RNF157: variants seen among roughly 807,000 people sequenced by gnomAD.
RNF157 encodes the protein ring finger protein 157.
A neutral mutation model predicts 88.3 loss-of-function variants in RNF157; 55 were observed. The ratio of observed to expected loss-of-function variants is 0.62; its 90% CI spans 0.50 to 0.78. RNF157 has a LOEUF of 0.78. RNF157 is among the 30% of genes least tolerant of loss of function. RNF157 has a pLI of 0.00. For synonymous variants in RNF157, 334 were observed against 341.2 expected, an observed-to-expected ratio of 0.98 and a Z score of 0.23; for missense variants, 788 against 860.8, an observed-to-expected ratio of 0.92 and a Z score of 1.06.
At chr17:76,177,482 G>A (rs972736018) in intron 2 of RNF157, among the ~76,000 whole-genome samples, 9 of 151,922 alleles carry the variant, frequency 5.9e-5, no homozygotes, top group Non-Finnish European at 1.3e-4. Flanking sequence ...CTGCTGCCTC[G>A]GCCCCTTCCA....
rs773917769 is a variant in RNF157 at position 76,152,340 on chromosome 17, C to T, written c.1921+15G>A. On this transcript the variant is annotated intron_variant, in intron 18 of 18. Transcript: ENST00000269391. ...CGTCTCCCACCAAGTTCATGTTCAG[C>T]AGACTGACACTCACCAGGTAAGCAG... is the stretch of plus-strand genomic sequence containing the variant. 6.6e-7 allele frequency: 1 copy of T among 1,520,048 alleles called. No homozygotes were observed. The highest frequency in any genetic ancestry group is 9.1e-7 in the Non-Finnish European group (1 of 1,094,280). The allele number at this position is 1,520,048 out of a possible 1,614,324, so 94.2% of individuals were successfully genotyped here.
chr17:76,148,246 C>A (rs2068615279), intron 18 of RNF157, among the ~76,000 whole-genome samples: 1 of 149,592 alleles, frequency 6.7e-6, no homozygotes, highest in South Asian at 2.1e-4. Context: ...CTAAAAAGAT[C>A]CAAATTATCT....
intron 3 of RNF157, among the ~76,000 whole-genome samples, chr17:76,169,801 G>C (rs907229834): frequency 6.6e-6 from 1 of 151,470 alleles, no homozygotes; most frequent in South Asian, 2.1e-4. Flanking sequence ...GGCTGGTCTC[G>C]AACTCCTGAC....
intron 1 of RNF157, among the ~76,000 whole-genome samples, chr17:76,232,689 G>C (rs866782676): frequency 6.6e-6 from 1 of 152,188 alleles, no homozygotes; most frequent in Non-Finnish European, 1.5e-5. Context: ...CAAAGTGGCT[G>C]TACTATTTTA....
chr17:76,157,115 T>C lies in RNF157; in HGVS notation c.1414-794A>G, dbSNP rs542526562. 6.8e-3 allele frequency among the ~76,000 whole-genome samples: 1,032 copies of C among 152,190 alleles called. 8 individuals are homozygous for C. The highest frequency in any genetic ancestry group is 0.023 in the African/African-American group (940 of 41,512). On this transcript the variant is annotated intron_variant, in intron 13 of 18. Transcript: ENST00000269391. This position sits in a 1 kb window ranked among gnomAD's most constrained non-coding sequence, Gnocchi z 5.6. ...CCGAGTAGCTGGGACTACAGGTGCA[T>C]GCCACCACACCTGGCTAATTTTTTG...
intron 2 of RNF157, among the ~76,000 whole-genome samples, chr17:76,181,616 T>C (rs1266331785): frequency 2.0e-5 from 3 of 151,922 alleles, no homozygotes; most frequent in Non-Finnish European, 4.4e-5. Context: ...CACTAAATTG[T>C]TTTCAAAAAA....
At chr17:76,172,303 G>A (rs1470247473) in intron 3 of RNF157, among the ~76,000 whole-genome samples, 1 of 151,622 alleles carries the variant, frequency 6.6e-6, no homozygotes, top group African/African-American at 2.4e-5. Flanking sequence ...GACAAAGTGA[G>A]ACTCTGGGCC....
chr17:76,198,501 G>A (rs2069515449), intron 2 of RNF157, among the ~76,000 whole-genome samples: 1 of 152,092 alleles, frequency 6.6e-6, no homozygotes, highest in African/African-American at 2.4e-5. Context: ...AGCTGGCTGC[G>A]TCCTTTGGGG....
At chr17:76,168,561 AG>A (rs2068964452) in intron 3 of RNF157, among the ~76,000 whole-genome samples, 1 of 151,854 alleles carries the variant, frequency 6.6e-6, no homozygotes, top group African/African-American at 2.4e-5. Flanking sequence ...CATCTTATTG[AG>A]GAGGTCCCTT....
chr17:76,159,483 G>GA lies in RNF157; in HGVS notation c.1155_1156insT (p.Leu386SerfsTer19), dbSNP rs758458767. On this transcript the variant is annotated frameshift_variant, in exon 12 of 19. Coordinates refer to ENST00000269391, the MANE Select transcript of RNF157 (RefSeq NM_052916.3). LOFTEE classifies it high-confidence loss of function. ...AGGTGGCCATCTCCAAGCACGTGAA[G>GA]TGGAGGAACTGCTGGGGACGGGGTG... is the stretch of plus-strand genomic sequence containing the variant. 5 of 1,609,856 alleles carry GA rather than the reference G, an allele frequency of 3.1e-6. No homozygotes were observed. Among genetic ancestry groups the GA allele is most frequent in the Middle Eastern group, 1.7e-4 (1 of 6,048 alleles).
chr17:76,158,477 C>A lies in RNF157; in HGVS notation c.1329G>T (p.Val443=). The part of the protein sequence containing the change: ...LSKSTSQNSS[V]LHEEEDEHSC... ...AATGCTCATCTTCCTCTTCATGCAG[C>A]ACGGAAGAGTTTTGGGAAGTGGATC... Residue 443 remains valine (V), a synonymous_variant, in exon 13 of 19, where the codon GTG becomes GTT. Coordinates refer to ENST00000269391, the MANE Select transcript of RNF157 (RefSeq NM_052916.3). The A allele has an allele frequency of 6.2e-7, 1 of 1,613,554 alleles. No individual in the cohort carries two copies. Among genetic ancestry groups the A allele is most frequent in the Non-Finnish European group, 8.5e-7 (1 of 1,179,556 alleles).
At chr17:76,174,866 G>C (rs1188210981) in intron 2 of RNF157, among the ~76,000 whole-genome samples, 1 of 152,162 alleles carries the variant, frequency 6.6e-6, no homozygotes, top group Non-Finnish European at 1.5e-5. Flanking sequence ...TCTTCATTCA[G>C]ATTACTCACT....
chr17:76,225,393 T>C (rs1370514644), intron 1 of RNF157, among the ~76,000 whole-genome samples: 1 of 152,140 alleles, frequency 6.6e-6, no homozygotes, highest in Admixed American at 6.5e-5. Flanking sequence ...AAGTTAATAA[T>C]TTAAAATTTA....
intron 18 of RNF157, among the ~76,000 whole-genome samples, chr17:76,150,401 C>G (rs2068656488): frequency 6.6e-6 from 1 of 152,164 alleles, no homozygotes; most frequent in African/African-American, 2.4e-5. Flanking sequence ...CATGGAGTAA[C>G]TATCAACAAG....
At chr17:76,150,034 AAAAAAAC>A (rs2068650398) in intron 18 of RNF157, among the ~76,000 whole-genome samples, 1 of 152,200 alleles carries the variant, frequency 6.6e-6, no homozygotes, top group African/African-American at 2.4e-5. Flanking sequence ...CTCTGTCTCA[AAAAAAAC>A]AAAAAACAAA....
chr17:76,217,339 T>C (rs555820701), intron 1 of RNF157, among the ~76,000 whole-genome samples: 12 of 152,286 alleles, frequency 7.9e-5, no homozygotes, highest in South Asian at 4.1e-4. Flanking sequence ...AAAATAAATT[T>C]ACTTATTGGT....
At chr17:76,235,276 CAAG>C (rs1410452217) in intron 1 of RNF157, among the ~76,000 whole-genome samples, 17 of 151,678 alleles carry the variant, frequency 1.1e-4, no homozygotes, top group Non-Finnish European at 1.8e-4. Context: ...CGGCTCACTG[CAAG>C]CTCCGCCTCC....
chr17:76,227,908 G>A (rs1329699675), intron 1 of RNF157, among the ~76,000 whole-genome samples: 1 of 151,952 alleles, frequency 6.6e-6, no homozygotes, highest in African/African-American at 2.4e-5. Flanking sequence ...GGTAGTGTCA[G>A]GTCCCCAAAT....
chr17:76,152,005 GTGTC>G (rs1252241587), intron 18 of RNF157, among the ~76,000 whole-genome samples: 2 of 152,164 alleles, frequency 1.3e-5, no homozygotes, highest in African/African-American at 2.4e-5. Context: ...TAGAGAGGTG[GTGTC>G]TGTCTGCTCA....
Sources: allele counts gnomAD v4.1 joint callset (sites outside exome capture counted in the v4.1 genomes callset), GRCh38; gene constraint gnomAD v4.1.1; non-coding constraint Gnocchi (gnomAD v3.1); transcripts MANE v1.5; gene names NCBI Gene and HGNC (gene_info 2026-07-23, HGNC 2026-07-21).